The following CENPK variants were observed in gnomAD, a reference collection of about 807,000 sequenced individuals.
CENPK encodes the protein SoxLZ/Sox6-binding protein Solt.
A neutral mutation model predicts 40.9 loss-of-function variants in CENPK; 46 were observed. The observed-to-expected ratio is 1.13, with a 90% CI of 0.89 to 1.44. The LOEUF (loss-of-function observed/expected upper bound fraction) is 1.44. Ranked by LOEUF, CENPK falls within the 40% of genes most tolerant of loss-of-function variation. The probability of loss-of-function intolerance (pLI) is 0.00; values close to 1 mark genes in which losing one functional copy is unlikely to be tolerated. For synonymous variants in CENPK, 107 were observed against 104.4 expected (o/e 1.02, Z -0.15); for missense variants, 288 against 303.5 (o/e 0.95, Z 0.38).
chr5:65,547,226 C>A (rs1749160178), intron 5 of CENPK, among the ~76,000 whole-genome samples: 1 of 151,914 alleles, frequency 6.6e-6, no homozygotes, highest in Non-Finnish European at 1.5e-5. Context: ...AACCCCGTCT[C>A]TACTACAAAT....
At chr5:65,516,360 C>A (rs184796610), downstream of CENPK, among the ~76,000 whole-genome samples, 8 of 152,174 alleles carry the variant, frequency 5.3e-5, no homozygotes, top group African/African-American at 1.7e-4. Flanking sequence ...TTCCACTTTT[C>A]TGCCTTCTCT....
the CENPK span, among the ~76,000 whole-genome samples, chr5:65,510,135 A>G: frequency 0.015 from 2,248 of 152,332 alleles, 51 homozygotes; most frequent in African/African-American, 0.052. Context: ...CAACAGCTGA[A>G]AAAGAATTAA....
At chr5:65,562,077 A>G (rs961417311) in intron 1 of CENPK, among the ~76,000 whole-genome samples, 2 of 152,222 alleles carry the variant, frequency 1.3e-5, no homozygotes, top group East Asian at 1.9e-4. Flanking sequence ...GGAATTCAGG[A>G]TAGGGAAGCT....
At chr5:65,524,221 C>A (rs865910252) in intron 9 of CENPK, among the ~76,000 whole-genome samples, 35 of 140,842 alleles carry the variant, frequency 2.5e-4, no homozygotes, top group African/African-American at 2.1e-4. Context: ...TAAAAGCATA[C>A]AAAAAAAAAA....
intron 2 of CENPK, chr5:65,561,090 TATAA>T (rs1751871721): frequency 6.6e-6 from 1 of 152,176 alleles, no homozygotes; most frequent in Non-Finnish European, 1.5e-5. Context: ...TAAATGAGTA[TATAA>T]ATATATATAT....
At chr5:65,498,580 C>A in the CENPK span, among the ~76,000 whole-genome samples, 1 of 151,020 alleles carries the variant, frequency 6.6e-6, no homozygotes, top group Admixed American at 6.6e-5. Context: ...GGTCATATAT[C>A]TTCCTTCTCT....
chr5:65,509,322 C>T, the CENPK span, among the ~76,000 whole-genome samples: 1 of 152,206 alleles, frequency 6.6e-6, no homozygotes, highest in Non-Finnish European at 1.5e-5. Context: ...CAACCTCTGG[C>T]AACCACTGAT....
the CENPK span, among the ~76,000 whole-genome samples, chr5:65,496,635 G>A: frequency 6.6e-6 from 1 of 151,932 alleles, no homozygotes; most frequent in Non-Finnish European, 1.5e-5. Context: ...ATACAGTTAG[G>A]ATCAAGGTTA....
At chr5:65,512,311 T>C in the CENPK span, among the ~76,000 whole-genome samples, 1 of 152,210 alleles carries the variant, frequency 6.6e-6, no homozygotes, top group South Asian at 2.1e-4. Context: ...GAGGAGTGAC[T>C]CTTATTTTGA....
intron 2 of CENPK, among the ~76,000 whole-genome samples, chr5:65,555,586 A>C (rs1360887534): frequency 1.3e-5 from 2 of 152,378 alleles, no homozygotes; most frequent in Non-Finnish European, 2.9e-5. Context: ...CAGTAAGGAT[A>C]GAAGCAGGAA....
At chr5:65,542,960 T>A in intron 5 of CENPK, 112 bp from the exon 6 acceptor site, 1 of 851,528 alleles carries the variant, frequency 1.2e-6, no homozygotes, top group Non-Finnish European at 1.8e-6. Context: ...ATTTATATAA[T>A]ATACAACTTT....
intron 9 of CENPK, among the ~76,000 whole-genome samples, chr5:65,526,796 A>G (rs971381668): frequency 6.6e-6 from 1 of 152,140 alleles, no homozygotes; most frequent in African/African-American, 2.4e-5. Context: ...TCGTCTCTAA[A>G]AAACTCAATC....
chr5:65,509,092 G>T, the CENPK span, among the ~76,000 whole-genome samples: 2 of 152,152 alleles, frequency 1.3e-5, no homozygotes, highest in South Asian at 4.1e-4. Flanking sequence ...ATGGGCAAAA[G>T]AATTCCATTT....
Position 65,551,616 on chromosome 5 carries a change from T to C in CENPK, c.189A>G (p.Gln63=). Residue 63 remains glutamine, a synonymous_variant, in exon 5 of 11, where the codon CAA becomes CAG. Transcript: ENST00000396679. ...TGAGTTCAGCGGTTAAACATTTTAC[T>C]TGCATAATTAACAATGATAGCTACA... is the stretch of plus-strand genomic sequence containing the variant. The part of the protein sequence containing the change: ...SNAQLSLLIM[Q]VKCLTAELSQ... 6.4e-7 allele frequency: 1 copy of C among 1,574,726 alleles called. No individual in the cohort carries two copies. The highest frequency in any genetic ancestry group is 8.7e-7 in the Non-Finnish European group (1 of 1,155,492).
chr5:65,557,483 C>T (rs1481763702), intron 2 of CENPK, among the ~76,000 whole-genome samples: 2 of 152,154 alleles, frequency 1.3e-5, no homozygotes, highest in African/African-American at 4.8e-5. Flanking sequence ...GAACACTCAC[C>T]CTTGCAACCC....
intron 6 of CENPK, among the ~76,000 whole-genome samples, chr5:65,537,310 CTTG>C (rs1747088863): frequency 6.6e-6 from 1 of 152,106 alleles, no homozygotes; most frequent in Admixed American, 6.5e-5. Context: ...GGTGAATAAA[CTTG>C]TTTTTTTTTG....
intron 5 of CENPK, among the ~76,000 whole-genome samples, chr5:65,548,879 T>C (rs907838087): frequency 7.2e-5 from 11 of 152,148 alleles, no homozygotes; most frequent in Admixed American, 5.9e-4. Flanking sequence ...TCCATGAGGG[T>C]TAGAACCAAC....
chr5:65,548,460 G>A (rs1749402765), intron 5 of CENPK, among the ~76,000 whole-genome samples: 2 of 152,002 alleles, frequency 1.3e-5, no homozygotes, highest in South Asian at 4.2e-4. Flanking sequence ...TGGGGTGGCT[G>A]TGGCCGTTTC....
At chr5:65,554,640 T>C (rs1467021177) in intron 3 of CENPK, among the ~76,000 whole-genome samples, 157 bp downstream of exon 3, 1 of 152,238 alleles carries the variant, frequency 6.6e-6, no homozygotes, top group Non-Finnish European at 1.5e-5. Flanking sequence ...GTGTAAAGTT[T>C]CTTGAATGAA....
Sources: allele counts gnomAD v4.1 joint callset (sites outside exome capture counted in the v4.1 genomes callset), GRCh38; gene constraint gnomAD v4.1.1; transcripts MANE v1.5; gene names NCBI Gene and HGNC (gene_info 2026-07-23, HGNC 2026-07-21).